The following D2HGDH variants were observed in gnomAD, a reference collection of about 807,000 sequenced individuals.
D2HGDH encodes the protein D-2-hydroxyglutarate dehydrogenase, mitochondrial.
Under a neutral mutation model 46.9 loss-of-function variants are expected in D2HGDH, and 31 were observed. The observed-to-expected ratio is 0.66, with a 90% confidence interval of 0.50 to 0.89. The LOEUF (loss-of-function observed/expected upper bound fraction) is 0.89, where lower values mean the gene tolerates loss of function less well. D2HGDH is among the 40% of genes least tolerant of loss of function. D2HGDH has a pLI of 0.00. For synonymous variants in D2HGDH, 364 were observed against 332.6 expected, an observed-to-expected ratio of 1.09 and a Z score of -1.03; for missense variants, 698 against 720.8, an observed-to-expected ratio of 0.97 and a Z score of 0.36.
chr2:241,747,979 C>G (rs1487186593), intron 6 of D2HGDH, among the ~76,000 whole-genome samples: 1 of 152,170 alleles, frequency 6.6e-6, no homozygotes, highest in Non-Finnish European at 1.5e-5. Context: ...GTGGGGGTCT[C>G]CTGGATTCCT....
In D2HGDH at chr2:241,748,087, A is replaced by T. The variant is rs570595791; in HGVS notation, c.854-2064A>T. ...CTTGGTGCTACTCAGCCCCCAGGTC[A>T]GGCTCTTCCCTCGCTCTTGATGCTC... On this transcript the variant is annotated intron_variant, in intron 6 of 9. Coordinates refer to ENST00000321264, the MANE Select transcript of D2HGDH (RefSeq NM_152783.5). Among the ~76,000 whole-genome samples the T allele has an allele frequency of 2.8e-4, 43 of 152,006 alleles. 1 individual carries two copies. The highest frequency in any genetic ancestry group is 9.2e-4 in the African/African-American group (38 of 41,414).
At chr2:241,751,887 C>T (rs1001416263) in intron 8 of D2HGDH, among the ~76,000 whole-genome samples, 6 of 143,012 alleles carry the variant, frequency 4.2e-5, no homozygotes, top group Non-Finnish European at 9.1e-5. Flanking sequence ...AAGGCCTGGG[C>T]AGGGGGAGCC....
chr2:241,740,382 C>T (rs973529856), intron 2 of D2HGDH, among the ~76,000 whole-genome samples: 3 of 152,128 alleles, frequency 2.0e-5, no homozygotes, highest in Admixed American at 6.6e-5. Flanking sequence ...ACCGTGGGAC[C>T]GAGCCGACCT....
chr2:241,765,142 A>C (rs1190030454), intron 9 of D2HGDH, among the ~76,000 whole-genome samples: 1 of 149,040 alleles, frequency 6.7e-6, no homozygotes, highest in Non-Finnish European at 1.5e-5. Flanking sequence ...GCCACTGCGG[A>C]CCCCTCCATC....
At chr2:241,751,821 G>T (rs1035398346) in intron 8 of D2HGDH, among the ~76,000 whole-genome samples, 3 of 152,148 alleles carry the variant, frequency 2.0e-5, no homozygotes, top group African/African-American at 7.2e-5. Flanking sequence ...AGGAGGAAGG[G>T]GCGTTGACTG....
Position 241,742,196 on chromosome 2 carries a change from TGTA to T in D2HGDH, c.351-237_351-235del, listed in dbSNP as rs1345362002. Reference sequence around the variant, plus strand: ...ACGTTCTGTCCTTTGAGGGAAGCCTTGTAGGACGTCAGAATCGGGGCCTCCACT... The same window carrying T: ...ACGTTCTGTCCTTTGAGGGAAGCCTTGGACGTCAGAATCGGGGCCTCCACT... On this transcript the variant is annotated intron_variant, in intron 3 of 9. Transcript: ENST00000321264. This position sits in a 1 kb window ranked among gnomAD's most constrained non-coding sequence, Gnocchi z 4.8. Among the ~76,000 whole-genome samples the T allele has an allele frequency of 1.2e-4, 18 of 152,104 alleles. No individual in the cohort carries two copies.
rs141809405 is a variant in D2HGDH at position 241,767,797 on chromosome 2, C to T, written c.1394C>T (p.Thr465Met). 41 of 1,612,024 alleles carry T rather than the reference C, an allele frequency of 2.5e-5. No individual in the cohort carries two copies. Among genetic ancestry groups the T allele is most frequent in the Non-Finnish European group, 3.1e-5 (36 of 1,179,418 alleles). Residue 465 changes from threonine (T) to methionine (M), a missense_variant, in exon 10 of 10, where the codon ACG becomes ATG. By Grantham distance (81) the Thr-to-Met change is moderately conservative (BLOSUM62 -1). Transcript: ENST00000321264. ...CTGGAGCCCCACGTGTACGAGTGGA[C>T]GGCCGGGCAGCAGGGCAGCGTCAGC... Reference protein sequence around the residue: ...AALEPHVYEWTAGQQGSVSAE... With the variant: ...AALEPHVYEWMAGQQGSVSAE...
At chr2:241,751,737 CAGG>C (rs1316612921) in intron 8 of D2HGDH, among the ~76,000 whole-genome samples, 3 of 152,194 alleles carry the variant, frequency 2.0e-5, no homozygotes, top group Non-Finnish European at 2.9e-5. Context: ...GGAGTGGAGG[CAGG>C]AGGAGCCCCT....
intron 1 of D2HGDH, 84 bp from the exon 2 acceptor site, chr2:241,735,049 C>T (rs946118394): frequency 7.5e-5 from 55 of 728,496 alleles, no homozygotes; most frequent in Non-Finnish European, 1.1e-4. Flanking sequence ...CTTCGCTGCC[C>T]TCCTGCCCCC....
At chr2:241,756,779 C>T (rs946752051) in intron 9 of D2HGDH, among the ~76,000 whole-genome samples, 18 of 152,208 alleles carry the variant, frequency 1.2e-4, no homozygotes, top group African/African-American at 4.3e-4. Context: ...ACTTCGGCCT[C>T]TCAAAGTGCT....
intron 8 of D2HGDH, 61 bp from the exon 9 acceptor site, chr2:241,755,788 C>T (rs1698100581): frequency 1.2e-6 from 2 of 1,611,190 alleles, no homozygotes; most frequent in Admixed American, 1.7e-5. Context: ...TGTGGTGTGC[C>T]CCCTGTCCCC....
intron 9 of D2HGDH, among the ~76,000 whole-genome samples, chr2:241,760,035 G>C (rs1698605075): frequency 6.6e-6 from 1 of 150,824 alleles, no homozygotes; most frequent in Non-Finnish European, 1.5e-5. Context: ...ATCAGTCGAA[G>C]GACTTCGCCA....
chr2:241,739,864 G>A lies in D2HGDH; in HGVS notation c.293-1169G>A, dbSNP rs539785282. Among the ~76,000 whole-genome samples the A allele has an allele frequency of 5.3e-3, 806 of 152,366 alleles. 3 individuals carry two copies. The highest frequency in any genetic ancestry group is 0.018 in the African/African-American group (766 of 41,578). On this transcript the variant is annotated intron_variant, in intron 2 of 9. Coordinates refer to ENST00000321264, the MANE Select transcript of D2HGDH (RefSeq NM_152783.5). ...CCCTCGTGGCAGAGTCAGCTAAGAG[G>A]CCGGGCGCGGCGACTCATGCCTGTA... is the stretch of plus-strand genomic sequence containing the variant.
At chr2:241,744,977 C>CCCA (rs1466116777) in intron 6 of D2HGDH, 100 bp downstream of exon 6, 10 of 1,501,292 alleles carry the variant, frequency 6.7e-6, no homozygotes, top group Non-Finnish European at 9.2e-6. Flanking sequence ...GAGGGACCCC[C>CCCA]CGCCAAGGAC....
At position 241,767,923 on chromosome 2, in the gene D2HGDH, C is replaced by G. The variant is rs1480947935; in HGVS notation, c.1520C>G (p.Pro507Arg). ...LMQQLKALLDPKGILNPYKTL... is the reference protein window; with the variant it reads ...LMQQLKALLDRKGILNPYKTL... ...CAGCAGCTCAAGGCCCTGCTGGACC[C>G]CAAGGGCATCCTCAACCCCTACAAG... is the stretch of plus-strand genomic sequence containing the variant. Residue 507 changes from proline to arginine, a missense_variant, in exon 10 of 10, where the codon CCC (proline) becomes CGC (arginine). Coordinates refer to ENST00000321264, the MANE Select transcript of D2HGDH (RefSeq NM_152783.5). 1 of 1,600,432 alleles carries G rather than the reference C, an allele frequency of 6.2e-7. No homozygotes were observed. The highest frequency in any genetic ancestry group is 1.1e-5 in the South Asian group (1 of 89,516).
chr2:241,759,515 C>T (rs772455128), intron 9 of D2HGDH, among the ~76,000 whole-genome samples: 4 of 152,178 alleles, frequency 2.6e-5, no homozygotes, highest in Non-Finnish European at 5.9e-5. Flanking sequence ...GTTTTTCCTC[C>T]GGTTAGCTTC....
At chr2:241,759,875 C>T (rs71430382) in intron 9 of D2HGDH, among the ~76,000 whole-genome samples, 66,019 of 152,172 alleles carry the variant, frequency 0.43, 15,365 homozygotes, top group African/African-American at 0.62. Context: ...GAATTCTCTG[C>T]GTCCACTTGT....
intron 2 of D2HGDH, 82 bp downstream of exon 2, chr2:241,735,598 G>C (rs534087124): frequency 3.8e-6 from 6 of 1,563,926 alleles, no homozygotes; most frequent in Non-Finnish European, 5.2e-6. Context: ...AGCGGGCTGA[G>C]AACAACCTGG....
In D2HGDH at chr2:241,741,064, G is replaced by C; in HGVS notation, c.324G>C (p.Thr108=). 1 of 1,614,020 alleles carries C rather than the reference G, an allele frequency of 6.2e-7. No individual in the cohort carries two copies. Among genetic ancestry groups the C allele is most frequent in the Non-Finnish European group, 8.5e-7 (1 of 1,180,012 alleles). The part of the protein sequence containing the change: ...GCSKVLLRPR[T]SEEVSHILRH... ...GCAAGGTGCTGCTGAGGCCACGGAC[G>C]TCGGAGGAGGTGTCCCACATCCTCA... The change falls in exon 3 of 10, where the codon ACG becomes ACC. Residue 108 remains threonine (T), a synonymous_variant. Coordinates refer to ENST00000321264, the MANE Select transcript of D2HGDH (RefSeq NM_152783.5).
Sources: gnomAD v4.1 joint callset for allele counts (sites outside exome capture counted in the v4.1 genomes callset) on GRCh38, gnomAD v4.1.1 for gene constraint, Gnocchi (gnomAD v3.1) non-coding constraint, MANE v1.5 for transcripts, NCBI Gene and HGNC (gene_info 2026-07-23, HGNC 2026-07-21) for gene names.